The following POM121C variants were observed in gnomAD, a reference collection of about 807,000 sequenced individuals.
POM121C encodes nuclear envelope pore membrane protein POM 121C.
Under a neutral mutation model 66.4 loss-of-function variants are expected in POM121C, and 20 were observed. That is an observed-to-expected ratio of 0.30 (90% confidence interval 0.21 to 0.44). The LOEUF (loss-of-function observed/expected upper bound fraction) is 0.44. Ranked by LOEUF, POM121C falls within the 20% of genes least tolerant of loss-of-function variation. POM121C has a pLI of 1.00. For synonymous variants in POM121C, 286 were observed against 528.0 expected (o/e 0.54, Z 6.28); for missense variants, 580 against 1,225.7 (o/e 0.47, Z 7.87).
Position 75,425,615 on chromosome 7 carries a change from C to G in POM121C, c.646+20G>C. On this transcript the variant is annotated intron_variant, in intron 9 of 14. Transcript: ENST00000615331. ...CCTCCACCACCAACAGCAGCCCCTC[C>G]TCCTGGCTCAGCAACCTACCCTTTT... 1 of 1,582,786 alleles carries G rather than the reference C, an allele frequency of 6.3e-7. No individual in the cohort carries two copies. Among genetic ancestry groups the G allele is most frequent in the Non-Finnish European group, 8.6e-7 (1 of 1,165,842 alleles).
chr7:75,449,778 G>C (rs1176786828), intron 3 of POM121C, among the ~76,000 whole-genome samples: 44 of 152,198 alleles, frequency 2.9e-4, no homozygotes, highest in African/African-American at 1.0e-3. Context: ...CACTTTGGGA[G>C]GCTGAGGCAG....
intron 1 of POM121C, among the ~76,000 whole-genome samples, chr7:75,476,090 G>T (rs1188777198): frequency 6.6e-6 from 1 of 152,060 alleles, no homozygotes; most frequent in Non-Finnish European, 1.5e-5. Context: ...GACCAGGTTG[G>T]GCAACATAGT....
rs587604426 is a variant in POM121C at position 75,441,264 on chromosome 7, C to T, written c.66-149G>A. ...GCAAGTAAAGCTACTTTTTCGTTAA[C>T]GGCAAAAAGTGAAAAACAAACGGTT... On this transcript the variant is annotated intron_variant, in intron 4 of 14. Coordinates refer to ENST00000615331, the MANE Select transcript of POM121C (RefSeq NM_001099415.3). 16 of 1,359,742 alleles carry T rather than the reference C, an allele frequency of 1.2e-5. No homozygotes were observed. In the African/African-American group the frequency reaches 1.8e-4, roughly 15 times the overall value. The allele number at this position is 1,359,742 out of a possible 1,614,324, so 84.2% of individuals were successfully genotyped here. A position where few individuals can be genotyped will look rare whatever the true frequency, so the allele number is the denominator to read the frequency against.
chr7:75,480,560 T>C (rs1247327618), intron 1 of POM121C, among the ~76,000 whole-genome samples: 1 of 152,078 alleles, frequency 6.6e-6, no homozygotes, highest in Non-Finnish European at 1.5e-5. Flanking sequence ...TGCACAGAAT[T>C]TTCCCAAGAC....
chr7:75,438,495 G>C (rs1554473334), intron 6 of POM121C, among the ~76,000 whole-genome samples: 1 of 152,010 alleles, frequency 6.6e-6, no homozygotes, highest in African/African-American at 2.4e-5. Context: ...CACCCCTCTG[G>C]GCTGTTGCAA....
At chr7:75,454,792 A>G (rs2116458689) in intron 3 of POM121C, among the ~76,000 whole-genome samples, 1 of 152,390 alleles carries the variant, frequency 6.6e-6, no homozygotes, top group East Asian at 1.9e-4. Flanking sequence ...GGCACACGGC[A>G]TGTCCCGACG....
chr7:75,434,576 A>G (rs1790331846), intron 7 of POM121C, among the ~76,000 whole-genome samples: 2 of 124,928 alleles, frequency 1.6e-5, no homozygotes, highest in African/African-American at 6.2e-5. Context: ...GGTGGCGCTC[A>G]GCTAGCTTTT....
At chr7:75,430,183 A>G (rs1465700465) in intron 7 of POM121C, among the ~76,000 whole-genome samples, 3 of 152,322 alleles carry the variant, frequency 2.0e-5, no homozygotes, top group Middle Eastern at 3.4e-3. Context: ...TCTAAAAATT[A>G]TATGAAAATG....
chr7:75,474,543 T>C (rs1792002028), intron 3 of POM121C, among the ~76,000 whole-genome samples, 161 bp downstream of exon 3: 1 of 152,054 alleles, frequency 6.6e-6, no homozygotes, highest in Admixed American at 6.5e-5. Context: ...AAATCAAATA[T>C]AAAATAAACA....
intron 3 of POM121C, among the ~76,000 whole-genome samples, chr7:75,468,992 A>G (rs1324852015): frequency 2.0e-5 from 3 of 152,206 alleles, no homozygotes; most frequent in African/African-American, 7.2e-5. Context: ...AATAAATAAC[A>G]ACTCCATTCT....
chr7:75,421,351 C>A, intron 13 of POM121C, 158 bp downstream of exon 13: 2 of 1,475,814 alleles, frequency 1.4e-6, no homozygotes, highest in Non-Finnish European at 1.8e-6. Flanking sequence ...GTCATTACTA[C>A]GTTAGCAAAA....
chr7:75,421,715 C>T lies in POM121C; in HGVS notation c.2537G>A (p.Ser846Asn), dbSNP rs782177614. ...TFGGSAAPAG[S>N]GSFGINVATP... is the part of the protein sequence containing the mutation. ...GGCCACGTTGATCCCAAAGCTCCCA[C>T]TGCCAGCGGGGGCTGCCGAACCCCC... is the stretch of plus-strand genomic sequence containing the variant. The change falls in exon 13 of 15, where the codon AGT becomes AAT. Residue 846 changes from serine to asparagine, a missense_variant. By Grantham distance (46) the Ser-to-Asn change is conservative. Coordinates refer to ENST00000615331, the MANE Select transcript of POM121C (RefSeq NM_001099415.3). 3.7e-6 allele frequency: 6 copies of T among 1,608,350 alleles called. No individual in the cohort carries two copies. The Admixed American group carries it at 8.4e-5, about 23-fold the overall frequency.
intron 7 of POM121C, among the ~76,000 whole-genome samples, chr7:75,431,091 A>G (rs1294906744): frequency 6.6e-6 from 1 of 150,738 alleles, no homozygotes; most frequent in Non-Finnish European, 1.5e-5. Flanking sequence ...AAAAAAAAAA[A>G]AAAAAAAAAA....
chr7:75,471,710 G>A (rs1192498509), intron 3 of POM121C, among the ~76,000 whole-genome samples: 11 of 152,114 alleles, frequency 7.2e-5, no homozygotes, highest in South Asian at 6.2e-4. Flanking sequence ...TGAAGATGGC[G>A]AAAGCACGAC....
intron 3 of POM121C, among the ~76,000 whole-genome samples, chr7:75,465,911 AAAAAAAAAAAAAAG>A: frequency 6.7e-6 from 1 of 149,042 alleles, no homozygotes. Flanking sequence ...AAAAAAAAAA[AAAAAAAAAAAAAAG>A]GTGTGTGACT....
At chr7:75,485,556 G>C (rs1428122631) in intron 1 of POM121C, among the ~76,000 whole-genome samples, 1 of 152,144 alleles carries the variant, frequency 6.6e-6, no homozygotes, top group African/African-American at 2.4e-5. Flanking sequence ...AAGTGCTGAC[G>C]GACGTTTAGA....
At chr7:75,439,268 G>A (rs782802511) in intron 5 of POM121C, 44 bp from the exon 6 acceptor site, 2 of 1,607,586 alleles carry the variant, frequency 1.2e-6, no homozygotes, top group African/African-American at 2.8e-5. Flanking sequence ...ACATGACTTT[G>A]TTTGTCCCTT....
intron 12 of POM121C, 50 bp downstream of exon 12, chr7:75,423,999 G>A (rs782058978): frequency 9.4e-6 from 15 of 1,593,954 alleles, no homozygotes; most frequent in African/African-American, 1.3e-5. Context: ...TCCAACCCAA[G>A]CCGGGGATGC....
chr7:75,452,206 C>G (rs2116450980), intron 3 of POM121C, among the ~76,000 whole-genome samples: 1 of 150,580 alleles, frequency 6.6e-6, no homozygotes, highest in African/African-American at 2.4e-5. Flanking sequence ...ACCTGTAATC[C>G]CAGTGCTTTG....
Sources: allele counts gnomAD v4.1 joint callset (sites outside exome capture counted in the v4.1 genomes callset), GRCh38; gene constraint gnomAD v4.1.1; transcripts MANE v1.5; gene names NCBI Gene and HGNC (gene_info 2026-07-23, HGNC 2026-07-21).